CEP85L: variants seen among roughly 807,000 people sequenced by gnomAD.
CEP85L encodes the protein centrosomal protein of 85 kDa-like.
In CEP85L, 60 loss-of-function variants were observed where a neutral mutation model predicts 100.3. The observed-to-expected ratio is 0.60, with a 90% CI of 0.49 to 0.74. The LOEUF is 0.74. Among genes scored for constraint, CEP85L ranks in the 30% least tolerant of loss-of-function variants. CEP85L has a pLI of 0.00. For missense variants in CEP85L, 973 were observed against 936.2 expected (o/e 1.04, Z -0.51); for synonymous variants, 319 against 322.7 (o/e 0.99, Z 0.12).
At chr6:118,566,418 G>C in intron 2 of CEP85L, 102 bp from the exon 3 acceptor site, 1 of 1,032,980 alleles carries the variant, frequency 9.7e-7, no homozygotes, top group Non-Finnish European at 1.4e-6. Context: ...TGGTTTCATA[G>C]CACAAGCTTT....
chr6:118,644,555 G>C (rs974201218), intron 1 of CEP85L, among the ~76,000 whole-genome samples: 16 of 151,960 alleles, frequency 1.1e-4, no homozygotes, highest in African/African-American at 3.9e-4. Flanking sequence ...AAGAACTCTT[G>C]ATTCCATTTA....
chr6:118,683,871 T>A (rs1383528638), intron 1 of CEP85L, among the ~76,000 whole-genome samples: 1 of 152,226 alleles, frequency 6.6e-6, no homozygotes, highest in Non-Finnish European at 1.5e-5. Flanking sequence ...TTTCAAAGAC[T>A]GGGCCTTTTT....
chr6:118,464,028 C>A lies in CEP85L; in HGVS notation c.*1377G>T, dbSNP rs908465418. The A allele has an allele frequency of 2.0e-5, 3 of 152,168 alleles. No homozygotes were observed. Among genetic ancestry groups the A allele is most frequent in the African/African-American group, 7.2e-5 (3 of 41,460 alleles). 9.4% of individuals were successfully genotyped at this position (152,168 alleles called of 1,614,324 possible). A position where few individuals can be genotyped will look rare whatever the true frequency, so the allele number is the denominator to read the frequency against. Reference sequence around the variant, plus strand: ...CAAATCAATATTATCCTGCTTGAGTCACACCCTCTACCCCTCCATCTCTTA... The same window carrying A: ...CAAATCAATATTATCCTGCTTGAGTAACACCCTCTACCCCTCCATCTCTTA... On this transcript the variant is annotated 3_prime_UTR_variant, in exon 13 of 13. Transcript: ENST00000368491.
upstream of CEP85L, chr6:118,652,555 C>A (rs1013176547): frequency 9.8e-6 from 14 of 1,429,756 alleles, no homozygotes; most frequent in South Asian, 2.0e-4. Flanking sequence ...ACTAGAGAGG[C>A]TTTGAGTTCC....
intron 2 of CEP85L, among the ~76,000 whole-genome samples, chr6:118,609,201 T>C (rs960652306): frequency 2.8e-4 from 43 of 152,114 alleles, no homozygotes; most frequent in African/African-American, 9.4e-4. Context: ...TGGAAGAACA[T>C]AGAACACATT....
At chr6:118,513,506 T>C (rs547294795) in intron 4 of CEP85L, among the ~76,000 whole-genome samples, 1 of 152,138 alleles carries the variant, frequency 6.6e-6, no homozygotes, top group African/African-American at 2.4e-5. Flanking sequence ...GGATGGCAAA[T>C]TTCTCAACTG....
At chr6:118,705,702 G>T (rs988705308) in intron 1 of CEP85L, among the ~76,000 whole-genome samples, 1 of 152,206 alleles carries the variant, frequency 6.6e-6, no homozygotes, top group East Asian at 1.9e-4. Flanking sequence ...TGTGCCAAAG[G>T]CATAATTGGA....
At chr6:118,671,160 T>C (rs9489493) in intron 1 of CEP85L, among the ~76,000 whole-genome samples, 29,294 of 152,044 alleles carry the variant, frequency 0.19, 2,903 homozygotes, top group Non-Finnish European at 0.21. Context: ...TTATGGACAG[T>C]GGATCTCTAT....
intron 2 of CEP85L, among the ~76,000 whole-genome samples, chr6:118,580,164 C>A (rs919323399): frequency 6.6e-6 from 1 of 152,122 alleles, no homozygotes; most frequent in African/African-American, 2.4e-5. Flanking sequence ...CAGCTTGGAG[C>A]CCCCTCCCTC....
chr6:118,524,860 T>G (rs541846059), intron 3 of CEP85L, among the ~76,000 whole-genome samples: 1 of 152,206 alleles, frequency 6.6e-6, no homozygotes, highest in Non-Finnish European at 1.5e-5. Flanking sequence ...GAGCCCAGCA[T>G]GCGTTCTGGG....
chr6:118,565,013 A>T (rs1229872189), intron 3 of CEP85L: 1 of 113,346 alleles, frequency 8.8e-6, no homozygotes, highest in Admixed American at 7.9e-5. Context: ...AAAAAAGTAC[A>T]TCTGATTTAT....
intron 1 of CEP85L, among the ~76,000 whole-genome samples, chr6:118,658,555 G>T (rs538161665): frequency 9.9e-4 from 150 of 152,152 alleles, no homozygotes; most frequent in Non-Finnish European, 1.6e-3. Flanking sequence ...GATTGCAGAA[G>T]TCTCTTAGCC....
intron 2 of CEP85L, among the ~76,000 whole-genome samples, chr6:118,607,293 GGAAA>G (rs1276703187): frequency 6.6e-6 from 1 of 152,154 alleles, no homozygotes; most frequent in Non-Finnish European, 1.5e-5. Context: ...AAGTAGAGAA[GGAAA>G]GTATTGCCTG....
intron 2 of CEP85L, among the ~76,000 whole-genome samples, chr6:118,619,136 G>A (rs766650149): frequency 5.7e-4 from 87 of 152,172 alleles, no homozygotes; most frequent in Middle Eastern, 3.4e-3. Flanking sequence ...CCAGGGGTGC[G>A]GGCATACCTG....
intron 4 of CEP85L, among the ~76,000 whole-genome samples, chr6:118,518,366 T>G (rs1279375613): frequency 6.6e-6 from 1 of 152,208 alleles, no homozygotes; most frequent in East Asian, 1.9e-4. Context: ...GTCTTGGACT[T>G]TTTTTGGCTG....
At chr6:118,662,337 C>G (rs930583453) in intron 1 of CEP85L, among the ~76,000 whole-genome samples, 3 of 152,012 alleles carry the variant, frequency 2.0e-5, no homozygotes, top group Non-Finnish European at 1.5e-5. Context: ...CGAGACCAGC[C>G]TGGCCAACAT....
At chr6:118,508,687 T>C (rs1775799107) in intron 5 of CEP85L, among the ~76,000 whole-genome samples, 1 of 152,098 alleles carries the variant, frequency 6.6e-6, no homozygotes, top group South Asian at 2.1e-4. Flanking sequence ...ATAAATTCAT[T>C]TAAAAATGTT....
At chr6:118,683,932 C>G (rs1209625300) in intron 1 of CEP85L, among the ~76,000 whole-genome samples, 1 of 152,186 alleles carries the variant, frequency 6.6e-6, no homozygotes, top group African/African-American at 2.4e-5. Flanking sequence ...GCCAGAGTCT[C>G]TTTTTGCCTT....
chr6:118,640,564 G>A (rs1449166777), intron 1 of CEP85L, among the ~76,000 whole-genome samples: 2 of 152,112 alleles, frequency 1.3e-5, no homozygotes, highest in Non-Finnish European at 2.9e-5. Flanking sequence ...TCTCTCAGTT[G>A]CCCAGGATGG....
Sources: allele counts gnomAD v4.1 joint callset (sites outside exome capture counted in the v4.1 genomes callset), GRCh38; gene constraint gnomAD v4.1.1; transcripts MANE v1.5; gene names NCBI Gene and HGNC (gene_info 2026-07-23, HGNC 2026-07-21).